Variants in OVOL2 observed in about 807,000 individuals in gnomAD.
OVOL2 encodes the protein ovo like zinc finger 2, also known as transcription factor Ovo-like 2.
OVOL2 carries 13 observed loss-of-function variants against 18.1 expected under a neutral mutation model. That is an observed-to-expected ratio of 0.72 (90% CI 0.47 to 1.14). The LOEUF (loss-of-function observed/expected upper bound fraction) is 1.14. Among genes scored for constraint, OVOL2 ranks in the 50% most tolerant of loss-of-function variants. The pLI is 0.00. For synonymous variants in OVOL2, 166 were observed against 162.7 expected (o/e 1.02, Z -0.16); for missense variants, 335 against 383.0 (o/e 0.87, Z 1.05).
intron 3 of OVOL2, among the ~76,000 whole-genome samples, chr20:18,037,342 T>C (rs1373323336): frequency 6.6e-6 from 1 of 152,206 alleles, no homozygotes; most frequent in Non-Finnish European, 1.5e-5. Flanking sequence ...TGAGCCTGGT[T>C]TCCTCCTCTG....
chr20:18,046,188 G>T (rs1468481787), intron 2 of OVOL2, among the ~76,000 whole-genome samples: 3 of 152,204 alleles, frequency 2.0e-5, no homozygotes, highest in African/African-American at 7.2e-5. Flanking sequence ...CAGAAAGGAA[G>T]GGATCTTTGT....
chr20:18,026,806 G>A (rs2036523225), intron 3 of OVOL2, among the ~76,000 whole-genome samples: 1 of 152,106 alleles, frequency 6.6e-6, no homozygotes. Context: ...GGTAGTGGCA[G>A]GGCAGAGACC....
At chr20:18,025,419 A>G (rs2036504343) in intron 3 of OVOL2, among the ~76,000 whole-genome samples, 1 of 152,040 alleles carries the variant, frequency 6.6e-6, no homozygotes, top group South Asian at 2.1e-4. Context: ...AATACAAAAA[A>G]CTAGCCAGGC....
rs549733019 is a variant in OVOL2, at chr20:18,026,673, G to A, written c.512-1721C>T. Among the ~76,000 whole-genome samples the A allele has an allele frequency of 9.2e-5, 14 of 152,214 alleles. No homozygotes were observed. The East Asian group carries it at 1.7e-3, about 19-fold the overall frequency. On this transcript the variant is annotated intron_variant, in intron 3 of 3. Coordinates refer to ENST00000278780, the MANE Select transcript of OVOL2 (RefSeq NM_021220.4). ...TGGGATTACAGGCGTGAGCCACCGCGCCGGGCCCAGGAATCTATTTTTAAC... is the reference window on the plus strand; with the variant it reads ...TGGGATTACAGGCGTGAGCCACCGCACCGGGCCCAGGAATCTATTTTTAAC...
At chr20:18,054,564 G>C (rs902822597) in intron 2 of OVOL2, among the ~76,000 whole-genome samples, 5 of 152,132 alleles carry the variant, frequency 3.3e-5, no homozygotes, top group Admixed American at 6.5e-5. Context: ...CCAACATGGA[G>C]AAACCCTGTC....
At chr20:18,031,883 T>C (rs2036573542) in intron 3 of OVOL2, among the ~76,000 whole-genome samples, 1 of 152,202 alleles carries the variant, frequency 6.6e-6, no homozygotes, top group Admixed American at 6.5e-5. Context: ...CTTCGTGCCA[T>C]ACATCCTCAA....
chr20:18,024,824 A>G lies in OVOL2; in HGVS notation c.640T>C (p.Tyr214His), dbSNP rs200097484. 33 of 1,614,234 alleles carry G rather than the reference A, an allele frequency of 2.0e-5. No individual in the cohort carries two copies. Among genetic ancestry groups the G allele is most frequent in the Non-Finnish European group, 2.8e-5 (33 of 1,180,038 alleles). ...GTGTAGCCGCAATCCTCGCAGACGT[A>G]GAGCTTGTCCCGCCGCTGCTTATAG... ...YAYKQRRDKL[Y>H]VCEDCGYTGP... Residue 214 changes from tyrosine (Y) to histidine (H), a missense_variant, in exon 4 of 4, where the codon TAC becomes CAC. Physicochemically the swap from Tyr to His is moderately conservative, Grantham distance 83. Coordinates refer to ENST00000278780, the MANE Select transcript of OVOL2 (RefSeq NM_021220.4).
rs984031607 is a variant in OVOL2, at chr20:18,057,226, G to A, written c.100+309C>T. The stretch of plus-strand genomic sequence containing the variant: ...GGCGAGCCTTTGTGCACCCCCATGA[G>A]GACGTGAGATTGGGGGTAGCCTCTG... On this transcript the variant is annotated intron_variant, in intron 1 of 3. Coordinates refer to ENST00000278780, the MANE Select transcript of OVOL2 (RefSeq NM_021220.4). The surrounding 1 kb of genome is among the most constrained non-coding windows in gnomAD (Gnocchi z 6.3). Among the ~76,000 whole-genome samples, 2 of 152,028 alleles carry A rather than the reference G, an allele frequency of 1.3e-5. No individual in the cohort carries two copies. The highest frequency in any genetic ancestry group is 2.4e-5 in the African/African-American group (1 of 41,384).
Position 18,056,896 on chromosome 20 carries a change from C to T in OVOL2, c.101-19G>A, listed in dbSNP as rs1302393769. On this transcript the variant is annotated intron_variant, in intron 1 of 3. Coordinates refer to ENST00000278780, the MANE Select transcript of OVOL2 (RefSeq NM_021220.4). The surrounding 1 kb of genome is among the most constrained non-coding windows in gnomAD (Gnocchi z 4.2). ...AGGCCCACTGTGGAGGGAGGGGCCG[C>T]GCCCCGACACACACACTCGGCGTCA... is the stretch of plus-strand genomic sequence containing the variant. 13 of 1,475,914 alleles carry T rather than the reference C, an allele frequency of 8.8e-6. No homozygotes were observed. The highest frequency in any genetic ancestry group is 1.2e-5 in the Non-Finnish European group (13 of 1,121,478). 91.4% of individuals were successfully genotyped at this position (1,475,914 alleles called of 1,614,324 possible). A position where few individuals can be genotyped will look rare whatever the true frequency, so the allele number is the denominator to read the frequency against.
rs2036666653 is a variant in OVOL2, at chr20:18,041,407, C to T, written c.511+127G>A. 9 of 1,162,836 alleles carry T rather than the reference C, an allele frequency of 7.7e-6. No homozygotes were observed. In the South Asian group the frequency reaches 1.5e-4, roughly 19 times the overall value. 72.0% of individuals were successfully genotyped at this position (1,162,836 alleles called of 1,614,324 possible). On this transcript the variant is annotated intron_variant, in intron 3 of 3. Transcript: ENST00000278780. ...CTCAAACTCCTAACCTCGTGATCCG[C>T]ATCTTGTGATCTTTCTAGAAACACA...
chr20:18,025,965 G>A (rs1196345046), intron 3 of OVOL2, among the ~76,000 whole-genome samples: 3 of 152,268 alleles, frequency 2.0e-5, no homozygotes, highest in Non-Finnish European at 4.4e-5. Context: ...ACTTGGACAG[G>A]TGTGCCCAGA....
chr20:18,037,723 T>C (rs1432513145), intron 3 of OVOL2, among the ~76,000 whole-genome samples: 2 of 152,174 alleles, frequency 1.3e-5, no homozygotes, highest in Non-Finnish European at 2.9e-5. Context: ...GGGGGTTGAT[T>C]GAGCAACCTG....
In OVOL2 at chr20:18,041,534, C is replaced by CTG; in HGVS notation, c.509_510dup (p.Gly171GlnfsTer25). ...AACAAAGCACGCACTCCCCGCTCAC[C>CTG]TGTGTGTGTGCGGACGTGCCTCTTC... On this transcript the variant is annotated frameshift_variant and splice_region_variant, in exon 3 of 4. Transcript: ENST00000278780. LOFTEE classifies it high-confidence loss of function. The CTG allele has an allele frequency of 6.2e-7, 1 of 1,609,900 alleles. No individual in the cohort carries two copies. The highest frequency in any genetic ancestry group is 8.5e-7 in the Non-Finnish European group (1 of 1,176,526).
chr20:18,039,538 G>A (rs2036649284), intron 3 of OVOL2, among the ~76,000 whole-genome samples: 1 of 147,156 alleles, frequency 6.8e-6, no homozygotes, highest in African/African-American at 2.5e-5. Context: ...GTGCTGAAGT[G>A]GGAGTATCAG....
rs1394229120 is a variant in OVOL2 at position 18,056,526 on chromosome 20, G to C, written c.321+131C>G. Reference sequence around the variant, plus strand: ...GCCGCCCAGGGGCAGGTGCAGGAGCGGCGCGGCGGGCGCGCTCGGGGCGCG... The same window carrying C: ...GCCGCCCAGGGGCAGGTGCAGGAGCCGCGCGGCGGGCGCGCTCGGGGCGCG... On this transcript the variant is annotated intron_variant, in intron 2 of 3. Transcript: ENST00000278780. This position sits in a 1 kb window ranked among gnomAD's most constrained non-coding sequence, Gnocchi z 4.2. 2.9e-6 allele frequency: 3 copies of C among 1,029,086 alleles called. No homozygotes were observed. The highest frequency in any genetic ancestry group is 8.8e-5 in the East Asian group (1 of 11,306). The allele number at this position is 1,029,086 out of a possible 1,614,324, so 63.7% of individuals were successfully genotyped here.
rs2036827245 is a variant in OVOL2, at chr20:18,056,553, G to A, written c.321+104C>T. The A allele has an allele frequency of 6.0e-6, 7 of 1,166,814 alleles. No homozygotes were observed. Among genetic ancestry groups the A allele is most frequent in the Non-Finnish European group, 7.4e-6 (7 of 945,916 alleles). The allele number at this position is 1,166,814 out of a possible 1,614,324, so 72.3% of individuals were successfully genotyped here. ...CGCGGCGGGCGCGCTCGGGGCGCGG[G>A]TGCCGGGTTGCGCAGGCGGGCGCGG... On this transcript the variant is annotated intron_variant, in intron 2 of 3. Coordinates refer to ENST00000278780, the MANE Select transcript of OVOL2 (RefSeq NM_021220.4). The surrounding 1 kb of genome is among the most constrained non-coding windows in gnomAD (Gnocchi z 4.2).
At chr20:18,026,504 C>T (rs957752888) in intron 3 of OVOL2, among the ~76,000 whole-genome samples, 1 of 151,838 alleles carries the variant, frequency 6.6e-6, no homozygotes, top group Admixed American at 6.6e-5. Context: ...GCCTCAGCCT[C>T]CCGAGTACCT....
chr20:18,048,156 G>A (rs1296879883), intron 2 of OVOL2, among the ~76,000 whole-genome samples: 2 of 149,386 alleles, frequency 1.3e-5, no homozygotes, highest in African/African-American at 4.9e-5. Context: ...TTGTGGTGGT[G>A]CACGCCTATA....
chr20:18,044,608 C>A (rs955252962), intron 2 of OVOL2, among the ~76,000 whole-genome samples: 1 of 152,152 alleles, frequency 6.6e-6, no homozygotes, highest in African/African-American at 2.4e-5. Flanking sequence ...GTGCTTAGAG[C>A]TGGAGGCAAT....
Sources: gnomAD v4.1 joint callset for allele counts (sites outside exome capture counted in the v4.1 genomes callset) on GRCh38, gnomAD v4.1.1 for gene constraint, Gnocchi (gnomAD v3.1) non-coding constraint, MANE v1.5 for transcripts, NCBI Gene and HGNC (gene_info 2026-07-23, HGNC 2026-07-21) for gene names.